TMEM135: variants seen among roughly 807,000 people sequenced by gnomAD.
The protein encoded by TMEM135 is transmembrane protein 135.
A neutral mutation model predicts 60.3 loss-of-function variants in TMEM135; 30 were observed. That is an observed-to-expected ratio of 0.50 (90% confidence interval 0.37 to 0.68). TMEM135 has a LOEUF of 0.68. TMEM135 is among the 30% of genes least tolerant of loss of function. TMEM135 has a pLI of 0.00. For synonymous variants in TMEM135, 190 were observed against 186.7 expected (o/e 1.02, Z -0.14); for missense variants, 468 against 548.8 (o/e 0.85, Z 1.47).
At chr11:87,246,825 A>G (rs1941286896) in intron 6 of TMEM135, among the ~76,000 whole-genome samples, 1 of 112,816 alleles carries the variant, frequency 8.9e-6, no homozygotes, top group Admixed American at 8.7e-5. Flanking sequence ...GAGTAGTTTG[A>G]TTGTCTGAAG....
At chr11:87,123,755 A>G (rs538455386) in intron 4 of TMEM135, among the ~76,000 whole-genome samples, 2 of 152,278 alleles carry the variant, frequency 1.3e-5, no homozygotes, top group African/African-American at 4.8e-5. Flanking sequence ...CCTTATTCTT[A>G]CTGGGAAACA....
intron 4 of TMEM135, among the ~76,000 whole-genome samples, chr11:87,103,698 A>T (rs1857520958): frequency 6.6e-6 from 1 of 151,698 alleles, no homozygotes; most frequent in Non-Finnish European, 1.5e-5. Flanking sequence ...TCGCTCTGTC[A>T]CTCAGGCTGG....
intron 1 of TMEM135, among the ~76,000 whole-genome samples, chr11:87,057,915 G>T (rs1949909145): frequency 6.6e-6 from 1 of 152,164 alleles, no homozygotes; most frequent in Non-Finnish European, 1.5e-5. Flanking sequence ...GAGAGCCAAT[G>T]TGTAATTCCA....
chr11:87,044,638 A>T (rs1232028148), intron 1 of TMEM135, among the ~76,000 whole-genome samples: 2 of 151,972 alleles, frequency 1.3e-5, no homozygotes, highest in Non-Finnish European at 2.9e-5. Flanking sequence ...CTCTTTGGAG[A>T]TATAAGTCAT....
intron 4 of TMEM135, among the ~76,000 whole-genome samples, chr11:87,144,751 A>G (rs1938363832): frequency 1.7e-5 from 2 of 120,596 alleles, no homozygotes; most frequent in Admixed American, 1.8e-4. Flanking sequence ...GGCTACTTTC[A>G]AGAGTTTTTT....
intron 5 of TMEM135, among the ~76,000 whole-genome samples, chr11:87,184,041 T>C (rs1352417589): frequency 2.0e-5 from 3 of 152,038 alleles, no homozygotes; most frequent in Non-Finnish European, 2.9e-5. Context: ...GAACATTTTC[T>C]ACTTAGAAAA....
In TMEM135 at chr11:87,321,716, A is replaced by C. The variant is rs1942824770; in HGVS notation, c.*383A>C. 2.2e-6 allele frequency: 1 copy of C among 459,034 alleles called. No individual in the cohort carries two copies. Among genetic ancestry groups the C allele is most frequent in the Non-Finnish European group, 4.3e-6 (1 of 230,076 alleles). 28.4% of individuals were successfully genotyped at this position (459,034 alleles called of 1,614,324 possible). The stretch of plus-strand genomic sequence containing the variant: ...ATAATTCTTGATTAAAATTAGGATT[A>C]TTTCTACATTTTAGGATTTACAAAG... On this transcript the variant is annotated 3_prime_UTR_variant, in exon 15 of 15. Transcript: ENST00000305494.
chr11:87,148,805 C>T (rs1938480704), intron 4 of TMEM135, among the ~76,000 whole-genome samples: 2 of 151,854 alleles, frequency 1.3e-5, no homozygotes, highest in Admixed American at 1.3e-4. Flanking sequence ...GAGACTAGAC[C>T]TTTCAACATT....
chr11:87,042,746 G>A (rs1402196122), intron 1 of TMEM135, among the ~76,000 whole-genome samples: 1 of 152,052 alleles, frequency 6.6e-6, no homozygotes, highest in Non-Finnish European at 1.5e-5. Flanking sequence ...ATTTCTTCAT[G>A]TCATATTTAC....
At chr11:87,107,362 C>T (rs866474437) in intron 4 of TMEM135, among the ~76,000 whole-genome samples, 7 of 151,730 alleles carry the variant, frequency 4.6e-5, no homozygotes, top group African/African-American at 1.5e-4. Context: ...TGTGCTGCAC[C>T]CATTAACTCG....
intron 1 of TMEM135, among the ~76,000 whole-genome samples, chr11:87,063,768 G>A (rs1372339802): frequency 1.3e-5 from 2 of 152,146 alleles, no homozygotes; most frequent in African/African-American, 2.4e-5. Flanking sequence ...TATTTTCTGT[G>A]TCTTGTGTTA....
chr11:87,113,921 C>T (rs964835898), intron 4 of TMEM135, among the ~76,000 whole-genome samples: 5 of 151,956 alleles, frequency 3.3e-5, no homozygotes, highest in African/African-American at 1.2e-4. Context: ...CGTACTAGTG[C>T]ATAGGAAGAT....
At chr11:87,208,940 A>C (rs775100819) in intron 5 of TMEM135, among the ~76,000 whole-genome samples, 2 of 152,188 alleles carry the variant, frequency 1.3e-5, no homozygotes, top group East Asian at 3.9e-4. Context: ...AAATTCCAAC[A>C]ATAATTTCAT....
chr11:87,215,497 G>A (rs1200677931), intron 5 of TMEM135, among the ~76,000 whole-genome samples: 1 of 152,124 alleles, frequency 6.6e-6, no homozygotes, highest in East Asian at 1.9e-4. Context: ...GTTGGTCATC[G>A]GCTTCTCTGT....
At chr11:87,173,978 G>T (rs754827084) in intron 5 of TMEM135, among the ~76,000 whole-genome samples, 2 of 152,066 alleles carry the variant, frequency 1.3e-5, no homozygotes, top group South Asian at 4.1e-4. Flanking sequence ...TCATGTTTTT[G>T]TTTCTTTGCA....
intron 1 of TMEM135, among the ~76,000 whole-genome samples, chr11:87,055,902 A>G (rs1216868159): frequency 6.6e-6 from 1 of 152,142 alleles, no homozygotes; most frequent in Admixed American, 6.6e-5. Flanking sequence ...TTTGCGCAAG[A>G]AAGAATTCAG....
chr11:87,112,403 G>C (rs1857777783), intron 4 of TMEM135, among the ~76,000 whole-genome samples: 1 of 151,934 alleles, frequency 6.6e-6, no homozygotes, highest in Non-Finnish European at 1.5e-5. Context: ...GTAGCTCTCT[G>C]GTCATCAACC....
rs1419197492 is a variant in TMEM135, at chr11:87,249,618, G to A, written c.509+12934G>A. 3.3e-5 allele frequency among the ~76,000 whole-genome samples: 5 copies of A among 151,868 alleles called. No homozygotes were observed. In the East Asian group the frequency reaches 5.8e-4, roughly 18 times the overall value. On this transcript the variant is annotated intron_variant, in intron 6 of 14. Transcript: ENST00000305494. Reference sequence around the variant, plus strand: ...TTTCTCTTAGTACTGCTTTCACTTAGTACTGATTTGCTTATGTTGAAACAT... The same window carrying A: ...TTTCTCTTAGTACTGCTTTCACTTAATACTGATTTGCTTATGTTGAAACAT...
chr11:87,206,900 A>G (rs909028875), intron 5 of TMEM135, among the ~76,000 whole-genome samples: 2 of 152,144 alleles, frequency 1.3e-5, no homozygotes, highest in Admixed American at 1.3e-4. Context: ...TTTAGTATGT[A>G]TGTTAGAACC....
Sources: gnomAD v4.1 joint callset for allele counts (sites outside exome capture counted in the v4.1 genomes callset) on GRCh38, gnomAD v4.1.1 for gene constraint, MANE v1.5 for transcripts, NCBI Gene and HGNC (gene_info 2026-07-23, HGNC 2026-07-21) for gene names.